TNIK: variants seen among roughly 807,000 people sequenced by gnomAD.
The protein encoded by TNIK is TRAF2 and NCK interacting kinase, also known as TRAF2 and NCK-interacting protein kinase.
TNIK carries 49 observed loss-of-function variants against 191.3 expected under a neutral mutation model. The ratio of observed to expected loss-of-function variants is 0.26; its 90% confidence interval spans 0.20 to 0.32. The LOEUF is 0.32. TNIK is among the 10% of genes least tolerant of loss of function. The pLI, the probability that TNIK is intolerant of heterozygous loss-of-function variation, is 1.00. For synonymous variants in TNIK, 594 were observed against 600.9 expected (o/e 0.99, Z 0.17); for missense variants, 1,155 against 1,702.3 (o/e 0.68, Z 5.66).
intron 3 of TNIK, among the ~76,000 whole-genome samples, chr3:171,217,973 G>A (rs1017402630): frequency 6.6e-6 from 1 of 152,094 alleles, no homozygotes; most frequent in South Asian, 2.1e-4. Context: ...GTGCCATAAA[G>A]AGAAAAATAA....
intron 1 of TNIK, among the ~76,000 whole-genome samples, chr3:171,448,048 T>C (rs1727718705): frequency 1.3e-5 from 2 of 152,216 alleles, no homozygotes; most frequent in South Asian, 4.1e-4. Context: ...AATATGCTAC[T>C]TTAAAATAAT....
intron 2 of TNIK, among the ~76,000 whole-genome samples, chr3:171,233,394 G>A (rs150054978): frequency 2.6e-5 from 4 of 152,192 alleles, no homozygotes; most frequent in East Asian, 1.9e-4. Flanking sequence ...TGTAGTAATG[G>A]CAGCTGTTGT....
chr3:171,233,436 C>T (rs953238198), intron 2 of TNIK, among the ~76,000 whole-genome samples: 1 of 152,068 alleles, frequency 6.6e-6, no homozygotes, highest in African/African-American at 2.4e-5. Flanking sequence ...TTCTATCTGT[C>T]TGTCTGTCTG....
intron 2 of TNIK, among the ~76,000 whole-genome samples, chr3:171,301,777 G>A (rs1028835901): frequency 3.9e-5 from 6 of 152,220 alleles, no homozygotes; most frequent in African/African-American, 1.2e-4. Context: ...AACTAATGGA[G>A]AAATCTTAGA....
intron 2 of TNIK, among the ~76,000 whole-genome samples, chr3:171,301,939 GA>G (rs148744339): frequency 2.2e-4 from 34 of 152,216 alleles, no homozygotes; most frequent in African/African-American, 7.7e-4. Flanking sequence ...TGGTTCAGGG[GA>G]AAAAATTTGT....
chr3:171,097,737 T>C (rs1230971988), intron 22 of TNIK, among the ~76,000 whole-genome samples: 2 of 152,198 alleles, frequency 1.3e-5, no homozygotes, highest in African/African-American at 4.8e-5. Flanking sequence ...CTTTATAACT[T>C]TATACACTCT....
At chr3:171,214,337 G>A (rs976967337) in intron 3 of TNIK, among the ~76,000 whole-genome samples, 7 of 152,064 alleles carry the variant, frequency 4.6e-5, no homozygotes, top group African/African-American at 1.7e-4. Flanking sequence ...GAGCAAGGGA[G>A]GCTAGAATTA....
chr3:171,186,964 C>G (rs1230670570), intron 7 of TNIK, among the ~76,000 whole-genome samples: 3 of 152,140 alleles, frequency 2.0e-5, no homozygotes, highest in African/African-American at 7.2e-5. Flanking sequence ...TTCTAGATAC[C>G]CTACTGAAAA....
intron 1 of TNIK, among the ~76,000 whole-genome samples, chr3:171,372,748 T>A (rs998604170): frequency 6.6e-6 from 1 of 152,174 alleles, no homozygotes; most frequent in African/African-American, 2.4e-5. Flanking sequence ...TCCCAGAAGG[T>A]GGACAACTGA....
At chr3:171,177,977 G>A (rs888206425) in intron 7 of TNIK, among the ~76,000 whole-genome samples, 12 of 152,158 alleles carry the variant, frequency 7.9e-5, no homozygotes, top group East Asian at 3.9e-4. Context: ...TTATGTATTC[G>A]ATCTGTTTCA....
At chr3:171,123,915 A>G (rs1415200653) in intron 17 of TNIK, among the ~76,000 whole-genome samples, 2 of 152,220 alleles carry the variant, frequency 1.3e-5, no homozygotes, top group Non-Finnish European at 1.5e-5. Flanking sequence ...CAAATTTGGG[A>G]ACCATTAAAG....
intron 15 of TNIK, 130 bp from the exon 16 acceptor site, chr3:171,129,008 C>G: frequency 7.4e-7 from 1 of 1,360,016 alleles, no homozygotes; most frequent in Non-Finnish European, 9.7e-7. Flanking sequence ...TTTAAGAAGA[C>G]AAAACTCTGT....
chr3:171,226,378 A>G (rs13077089), intron 3 of TNIK, among the ~76,000 whole-genome samples: 7,564 of 152,246 alleles, frequency 0.05, 292 homozygotes, highest in Middle Eastern at 0.11. Flanking sequence ...ATTTTGAACC[A>G]TAAAGCAACC....
At chr3:171,323,054 A>G (rs1264328536) in intron 2 of TNIK, among the ~76,000 whole-genome samples, 2 of 142,194 alleles carry the variant, frequency 1.4e-5, no homozygotes, top group East Asian at 2.0e-4. Flanking sequence ...TAATTGGAAC[A>G]CAGCCATTCT....
chr3:171,425,068 A>G (rs1320477806), intron 1 of TNIK, among the ~76,000 whole-genome samples: 1 of 152,078 alleles, frequency 6.6e-6, no homozygotes, highest in Non-Finnish European at 1.5e-5. Flanking sequence ...TCTTTACATT[A>G]AAATTCTGAG....
At chr3:171,402,308 G>A (rs933742538) in intron 1 of TNIK, among the ~76,000 whole-genome samples, 1 of 152,178 alleles carries the variant, frequency 6.6e-6, no homozygotes, top group Non-Finnish European at 1.5e-5. Context: ...TGTGGAAGTT[G>A]GCAAAGATGC....
At chr3:171,137,845 A>G (rs1322900943) in intron 15 of TNIK, among the ~76,000 whole-genome samples, 1 of 152,168 alleles carries the variant, frequency 6.6e-6, no homozygotes, top group Non-Finnish European at 1.5e-5. Context: ...TAATCACATT[A>G]TTCAACAAAA....
Position 171,058,855 on chromosome 3 carries a change from T to C in TNIK, c.*5026A>G, listed in dbSNP as rs1045916622. 6.6e-6 allele frequency among the ~76,000 whole-genome samples: 1 copy of C among 152,226 alleles called. No homozygotes were observed. Among genetic ancestry groups the C allele is most frequent in the African/African-American group, 2.4e-5 (1 of 41,464 alleles). On this transcript the variant is annotated 3_prime_UTR_variant, in exon 33 of 33. Transcript: ENST00000436636. ...TTTTACAACATTCAATTTTAAAATT[T>C]CATTCAAGCTGTAATCTTTTGTTTC...
chr3:171,077,628 A>T (rs1373818823), intron 28 of TNIK, among the ~76,000 whole-genome samples: 1 of 152,108 alleles, frequency 6.6e-6, no homozygotes, highest in Non-Finnish European at 1.5e-5. Context: ...GAACAACACC[A>T]TCAGCTCTCC....
Sources: gnomAD v4.1 joint callset for allele counts (sites outside exome capture counted in the v4.1 genomes callset) on GRCh38, gnomAD v4.1.1 for gene constraint, MANE v1.5 for transcripts, NCBI Gene and HGNC (gene_info 2026-07-23, HGNC 2026-07-21) for gene names.